ZFHX2: variants seen among roughly 807,000 people sequenced by gnomAD.
The protein encoded by ZFHX2 is zinc finger homeobox 2, also known as zinc finger homeobox protein 2.
Under a neutral mutation model 164.8 loss-of-function variants are expected in ZFHX2, and 75 were observed. That is an observed-to-expected ratio of 0.46 (90% CI 0.38 to 0.55). The LOEUF (loss-of-function observed/expected upper bound fraction) is 0.55, where lower values mean the gene tolerates loss of function less well. Among genes scored for constraint, ZFHX2 ranks in the 20% least tolerant of loss-of-function variants. ZFHX2 has a pLI of 0.00. For missense variants in ZFHX2, 2,933 were observed against 3,308.0 expected (o/e 0.89, Z 2.78); for synonymous variants, 1,217 against 1,351.4 (o/e 0.90, Z 2.18).
In ZFHX2 at chr14:23,521,527, G is replaced by C. The variant is rs547121527; in HGVS notation, c.*435C>G. The C allele has an allele frequency of 6.3e-6, 1 of 157,696 alleles. No homozygotes were observed. Among genetic ancestry groups the C allele is most frequent in the Non-Finnish European group, 1.4e-5 (1 of 72,124 alleles). The allele number at this position is 157,696 out of a possible 1,614,324, so 9.8% of individuals were successfully genotyped here. A position where few individuals can be genotyped will look rare whatever the true frequency, so the allele number is the denominator to read the frequency against. On this transcript the variant is annotated 3_prime_UTR_variant, in exon 10 of 10. Coordinates refer to ENST00000419474, the MANE Select transcript of ZFHX2 (RefSeq NM_033400.3). ...TTATCTTCTTTTTCAAAATTTTTTG[G>C]TGTTTTCTCAGTGGAACATCATGGG...
Position 23,530,384 on chromosome 14 carries a change from A to G in ZFHX2, c.2801-190T>C, listed in dbSNP as rs1466674471. The G allele has an allele frequency of 5.7e-6, 4 of 699,294 alleles. No individual in the cohort carries two copies. The East Asian group carries it at 8.1e-5, about 14-fold the overall frequency. The allele number at this position is 699,294 out of a possible 1,614,324, so 43.3% of individuals were successfully genotyped here. On this transcript the variant is annotated intron_variant, in intron 4 of 9. Transcript: ENST00000419474. ...CAGAAGATAGAGGGAAAATTACAGT[A>G]TTAGAACTGGTAGGGCCTAAGAGAT...
intron 6 of ZFHX2, chr14:23,528,744 A>T: frequency 2.0e-6 from 2 of 985,282 alleles, no homozygotes; most frequent in South Asian, 4.7e-5. Flanking sequence ...CAGCTCCCCC[A>T]GTGGCCCAGG....
intron 1 of ZFHX2, among the ~76,000 whole-genome samples, chr14:23,545,493 GT>G (rs1264061211): frequency 6.6e-6 from 1 of 152,128 alleles, no homozygotes; most frequent in Non-Finnish European, 1.5e-5. Flanking sequence ...CAAGTCATGG[GT>G]TTTTCACCTT....
rs1467700257 is a variant in ZFHX2, at chr14:23,524,504, C to G, written c.5438G>C (p.Gly1813Ala). The change falls in exon 9 of 10, where the codon GGG becomes GCG. Residue 1813 changes from glycine (G) to alanine (A), a missense_variant. Transcript: ENST00000419474. The surrounding 1 kb of genome is among the most constrained non-coding windows in gnomAD (Gnocchi z 5.6). ...QLLDLPLLVFGERNPLVAATS... is the reference protein window; with the variant it reads ...QLLDLPLLVFAERNPLVAATS... The stretch of plus-strand genomic sequence containing the variant: ...GGCTGCCACCAGGGGGTTTCTCTCC[C>G]CAAACACCAGCAAGGGCAGATCTAG... The G allele has an allele frequency of 6.5e-7, 1 of 1,527,576 alleles. No homozygotes were observed. The highest frequency in any genetic ancestry group is 2.0e-5 in the Admixed American group (1 of 50,558). 94.6% of individuals were successfully genotyped at this position (1,527,576 alleles called of 1,614,324 possible).
chr14:23,535,384 G>C lies in ZFHX2; in HGVS notation c.-49-10C>G. On this transcript the variant is annotated splice_polypyrimidine_tract_variant and intron_variant, in intron 1 of 9. Transcript: ENST00000419474. This position sits in a 1 kb window ranked among gnomAD's most constrained non-coding sequence, Gnocchi z 4.5. ...CGTGACAGCCAGTACCCTGTAGGGA[G>C]ACAAGGAGAGAGCAGTGCTGTGAGG... is the stretch of plus-strand genomic sequence containing the variant. The C allele has an allele frequency of 2.8e-6, 4 of 1,431,680 alleles. No individual in the cohort carries two copies. In the South Asian group the frequency reaches 6.0e-5, roughly 21 times the overall value. The allele number at this position is 1,431,680 out of a possible 1,614,324, so 88.7% of individuals were successfully genotyped here.
Position 23,523,476 on chromosome 14 carries a change from C to G in ZFHX2, c.6466G>C (p.Asp2156His). 2 of 1,536,198 alleles carry G rather than the reference C, an allele frequency of 1.3e-6. No homozygotes were observed. Among genetic ancestry groups the G allele is most frequent in the Non-Finnish European group, 1.7e-6 (2 of 1,146,882 alleles). The change falls in exon 9 of 10, where the codon GAT (aspartate) becomes CAT (histidine). Residue 2156 changes from aspartate to histidine, a missense_variant. By Grantham distance (81) the Asp-to-His change is moderately conservative. Transcript: ENST00000419474. This position sits in a 1 kb window ranked among gnomAD's most constrained non-coding sequence, Gnocchi z 4.1. ...TDCPYCDVKY[D>H]FYVSCRGHLF... is the part of the protein sequence containing the mutation. The stretch of plus-strand genomic sequence containing the variant: ...TGGCCTCGGCAGGAGACATAGAAAT[C>G]ATACTTGACATCACAATAGGGGCAG...
chr14:23,554,095 C>T (rs376836831), upstream of ZFHX2, among the ~76,000 whole-genome samples: 6 of 146,318 alleles, frequency 4.1e-5, no homozygotes, highest in Admixed American at 1.4e-4. Context: ...GAGTAGCTTG[C>T]GGAAGGCCAA....
At chr14:23,529,912 C>CGGGTCA in intron 5 of ZFHX2, 144 bp from the exon 6 acceptor site, 1 of 992,134 alleles carries the variant, frequency 1.0e-6, no homozygotes, top group Non-Finnish European at 1.5e-6. Flanking sequence ...GGGCTGACTC[C>CGGGTCA]GGGTCAGTAG....
chr14:23,529,031 T>C (rs1879167960), intron 6 of ZFHX2, among the ~76,000 whole-genome samples: 1 of 152,262 alleles, frequency 6.6e-6, no homozygotes, highest in African/African-American at 2.4e-5. Flanking sequence ...CATAAGGCAT[T>C]ACTTCAGCTT....
Position 23,523,938 on chromosome 14 carries a change from G to A in ZFHX2, c.6004C>T (p.Pro2002Ser), listed in dbSNP as rs990458813. The A allele has an allele frequency of 6.5e-7, 1 of 1,536,010 alleles. No homozygotes were observed. Among genetic ancestry groups the A allele is most frequent in the African/African-American group, 1.4e-5 (1 of 73,040 alleles). ...GGGCCCTCTTCCTCACTGGGTGGAG[G>A]GGGAGGTAGGAGAGGTAGAGGTGGC... ...PEPPLPLLPP[P>S]PPSEEEGPEE... The change falls in exon 9 of 10, where the codon CCT (proline) becomes TCT (serine). Residue 2002 changes from proline (P) to serine (S), a missense_variant. Transcript: ENST00000419474. The surrounding 1 kb of genome is among the most constrained non-coding windows in gnomAD (Gnocchi z 4.1).
chr14:23,525,307 A>G lies in ZFHX2; in HGVS notation c.4635T>C (p.Val1545=), dbSNP rs1253205895. 3 of 1,535,860 alleles carry G rather than the reference A, an allele frequency of 2.0e-6. No individual in the cohort carries two copies. Among genetic ancestry groups the G allele is most frequent in the Non-Finnish European group, 2.6e-6 (3 of 1,146,884 alleles). The change falls in exon 9 of 10, where the codon GTT becomes GTC. Residue 1545 remains valine, a synonymous_variant. Transcript: ENST00000419474. This position sits in a 1 kb window ranked among gnomAD's most constrained non-coding sequence, Gnocchi z 5.9. The part of the protein sequence containing the change: ...KPPDGSLDSP[V]PHLGPPFLVP... ...CCAGGAAGGGTGGGCCCAGATGGGG[A>G]ACAGGTGAATCCAGAGACCCATCAG...
chr14:23,530,556 A>G (rs1879411142), intron 4 of ZFHX2: 2 of 456,266 alleles, frequency 4.4e-6, no homozygotes, highest in African/African-American at 4.1e-5. Flanking sequence ...TGAAGAAGGA[A>G]GCCTTGGCTG....
Position 23,526,895 on chromosome 14 carries a change from G to A in ZFHX2, c.3214C>T (p.Pro1072Ser). The change falls in exon 8 of 10, where the codon CCC (proline) becomes TCC (serine). Residue 1072 changes from proline (P) to serine (S), a missense_variant. By Grantham distance (74) the Pro-to-Ser change is moderately conservative. Coordinates refer to ENST00000419474, the MANE Select transcript of ZFHX2 (RefSeq NM_033400.3). ...TLSPLDNGQE[P>S]PTHGPEPTPS... ...GTAGGCTCTGGCCCATGAGTGGGGG[G>A]TTCTTGGCCATTGTCCAGAGGGCTT... is the stretch of plus-strand genomic sequence containing the variant. 8 of 1,534,360 alleles carry A rather than the reference G, an allele frequency of 5.2e-6. No homozygotes were observed. The highest frequency in any genetic ancestry group is 7.0e-6 in the Non-Finnish European group (8 of 1,146,204).
At chr14:23,555,903 A>T (rs1882325963), upstream of ZFHX2, 1 of 152,266 alleles carries the variant, frequency 6.6e-6, no homozygotes, top group African/African-American at 2.4e-5. Flanking sequence ...TAGGTAGAGT[A>T]CCGCAGGCAC....
At position 23,525,258 on chromosome 14, in the gene ZFHX2, TC is replaced by T; in HGVS notation, c.4683del (p.Thr1562ProfsTer16). The T allele has an allele frequency of 6.5e-7, 1 of 1,535,742 alleles. No individual in the cohort carries two copies. Among genetic ancestry groups the T allele is most frequent in the Non-Finnish European group, 8.7e-7 (1 of 1,146,810 alleles). ...PFLVPEPEAG[G>X]TRAPEERSRA... The stretch of plus-strand genomic sequence containing the variant: ...CGACTTCGCTCTTCAGGGGCACGGG[TC>T]CCCCCTGCCTCAGGCTCTGGGACCA... On this transcript the variant is annotated frameshift_variant, in exon 9 of 10. Transcript: ENST00000419474. LOFTEE classifies it high-confidence loss of function. This position sits in a 1 kb window ranked among gnomAD's most constrained non-coding sequence, Gnocchi z 5.9.
rs1234207471 is a variant in ZFHX2, at chr14:23,546,447, G to T, written c.-50+4896C>A. ...AGCCCCCATGCCAGTGGTACAGCTT[G>T]GTGACAGGACTGTGGGTGGACCTCA... On this transcript the variant is annotated intron_variant, in intron 1 of 9. Transcript: ENST00000419474. The surrounding 1 kb of genome is among the most constrained non-coding windows in gnomAD (Gnocchi z 4.7). 6.6e-6 allele frequency among the ~76,000 whole-genome samples: 1 copy of T among 152,120 alleles called. No homozygotes were observed. Among genetic ancestry groups the T allele is most frequent in the Non-Finnish European group, 1.5e-5 (1 of 68,024 alleles).
chr14:23,532,972 C>T lies in ZFHX2; in HGVS notation c.2154G>A (p.Val718=). Residue 718 remains valine, a synonymous_variant, in exon 3 of 10, where the codon GTG becomes GTA. Coordinates refer to ENST00000419474, the MANE Select transcript of ZFHX2 (RefSeq NM_033400.3). ...AGGCCTGGCACACTAGGCAGCGGAACACCTTCAGGGACAGGCTGTCGTCTG... is the reference window on the plus strand; with the variant it reads ...AGGCCTGGCACACTAGGCAGCGGAATACCTTCAGGGACAGGCTGTCGTCTG... The part of the protein sequence containing the change: ...PPPDDSLSLK[V]FRCLVCQAFS... 1 of 1,536,220 alleles carries T rather than the reference C, an allele frequency of 6.5e-7. No homozygotes were observed. The highest frequency in any genetic ancestry group is 8.7e-7 in the Non-Finnish European group (1 of 1,146,922).
chr14:23,529,818 G>A, intron 5 of ZFHX2, 50 bp from the exon 6 acceptor site: 1 of 1,512,426 alleles, frequency 6.6e-7, no homozygotes. Flanking sequence ...CCCTCAAGAT[G>A]ATTTGTAGCA....
At position 23,524,935 on chromosome 14, in the gene ZFHX2, G is replaced by T; in HGVS notation, c.5007C>A (p.Ala1669=). ...SMPTGGGTGG[A]SGCRRCHATF... ...TGGCGTGGCAACGCCTGCAGCCGGA[G>T]GCTCCCCCAGTGCCTCCTCCGGTTG... is the stretch of plus-strand genomic sequence containing the variant. Residue 1669 remains alanine (A), a synonymous_variant, in exon 9 of 10, where the codon GCC becomes GCA. Transcript: ENST00000419474. This position sits in a 1 kb window ranked among gnomAD's most constrained non-coding sequence, Gnocchi z 5.6. 6.5e-7 allele frequency: 1 copy of T among 1,536,270 alleles called. No individual in the cohort carries two copies. Among genetic ancestry groups the T allele is most frequent in the Admixed American group, 2.0e-5 (1 of 51,004 alleles).
Sources: gnomAD v4.1 joint callset for allele counts (sites outside exome capture counted in the v4.1 genomes callset) on GRCh38, gnomAD v4.1.1 for gene constraint, Gnocchi (gnomAD v3.1) non-coding constraint, MANE v1.5 for transcripts, NCBI Gene and HGNC (gene_info 2026-07-23, HGNC 2026-07-21) for gene names.